ZNF704: variants seen among roughly 807,000 people sequenced by gnomAD.
The protein encoded by ZNF704 is zinc finger protein 704.
In ZNF704, 10 loss-of-function variants were observed where a neutral mutation model predicts 44.7. The observed-to-expected ratio is 0.22, with a 90% CI of 0.14 to 0.38. The LOEUF (loss-of-function observed/expected upper bound fraction) is 0.38. ZNF704 is among the 10% of genes least tolerant of loss of function. ZNF704 has a pLI of 1.00. For synonymous variants in ZNF704, 211 were observed against 207.6 expected, an observed-to-expected ratio of 1.02 and a Z score of -0.14; for missense variants, 390 against 545.5, an observed-to-expected ratio of 0.71 and a Z score of 2.84.
intron 3 of ZNF704, among the ~76,000 whole-genome samples, chr8:80,688,958 CA>C (rs57878370): frequency 0.083 from 5,917 of 71,400 alleles, 55 homozygotes; most frequent in Middle Eastern, 0.13. Flanking sequence ...GACTCTGTCT[CA>C]AAAAAAAAAA....
At chr8:80,742,505 A>C (rs1377211895) in intron 2 of ZNF704, among the ~76,000 whole-genome samples, 2 of 152,238 alleles carry the variant, frequency 1.3e-5, no homozygotes. Context: ...TCAAGCAGAT[A>C]GTCAAGGCCT....
the ZNF704 span, among the ~76,000 whole-genome samples, chr8:80,880,355 G>A: frequency 6.6e-6 from 1 of 152,130 alleles, no homozygotes; most frequent in Non-Finnish European, 1.5e-5. Flanking sequence ...AATGATTACT[G>A]TATTGAGCAG....
At chr8:80,720,855 A>G (rs1819154496) in intron 2 of ZNF704, among the ~76,000 whole-genome samples, 2 of 152,228 alleles carry the variant, frequency 1.3e-5, no homozygotes, top group South Asian at 4.1e-4. Context: ...TCATGCAGCC[A>G]GTCACCCAGG....
At chr8:80,809,889 A>AT (rs1227023131) in intron 2 of ZNF704, among the ~76,000 whole-genome samples, 1 of 151,688 alleles carries the variant, frequency 6.6e-6, no homozygotes, top group Admixed American at 6.6e-5. Context: ...CTGAATTCTT[A>AT]TTTTTTTTAT....
chr8:80,779,333 C>G (rs1807471870), intron 2 of ZNF704, among the ~76,000 whole-genome samples: 3 of 152,180 alleles, frequency 2.0e-5, no homozygotes, highest in Non-Finnish European at 2.9e-5. Flanking sequence ...CCCCTGCCTC[C>G]CAGGTTTAAG....
chr8:80,837,413 C>T (rs1012222932), intron 1 of ZNF704, among the ~76,000 whole-genome samples: 2 of 151,982 alleles, frequency 1.3e-5, no homozygotes, highest in Admixed American at 6.6e-5. Flanking sequence ...GCAAATACCA[C>T]GAGGTTAATA....
chr8:80,856,351 G>GA (rs1176435129), intron 1 of ZNF704, among the ~76,000 whole-genome samples: 1 of 151,874 alleles, frequency 6.6e-6, no homozygotes, highest in East Asian at 1.9e-4. Flanking sequence ...TTGTTTAAAG[G>GA]AAAATGCTAA....
intron 2 of ZNF704, among the ~76,000 whole-genome samples, chr8:80,729,777 T>C (rs777207536): frequency 3.3e-5 from 5 of 152,188 alleles, no homozygotes; most frequent in African/African-American, 4.8e-5. Flanking sequence ...CTTTGGGAGA[T>C]TCCAGTTGGA....
chr8:80,657,796 G>A (rs955328204), intron 7 of ZNF704, among the ~76,000 whole-genome samples: 6 of 150,862 alleles, frequency 4.0e-5, no homozygotes, highest in African/African-American at 7.3e-5. Flanking sequence ...TTTATATATC[G>A]TATATATGGT....
chr8:80,670,926 A>C (rs946251122), intron 4 of ZNF704, among the ~76,000 whole-genome samples: 3 of 152,184 alleles, frequency 2.0e-5, no homozygotes, highest in African/African-American at 7.2e-5. Context: ...GTGCTGTCTT[A>C]AGTGTTTATC....
At chr8:80,650,172 T>C (rs899878320) in intron 7 of ZNF704, among the ~76,000 whole-genome samples, 1 of 152,070 alleles carries the variant, frequency 6.6e-6, no homozygotes, top group Middle Eastern at 3.4e-3. Flanking sequence ...TATATCACCA[T>C]CATCAAAGAC....
At chr8:80,800,889 C>T (rs935330902) in intron 2 of ZNF704, among the ~76,000 whole-genome samples, 9 of 151,984 alleles carry the variant, frequency 5.9e-5, no homozygotes, top group African/African-American at 2.2e-4. Flanking sequence ...GAGCCAAGAC[C>T]CATCAGTATG....
chr8:80,772,417 A>G (rs904319672), intron 2 of ZNF704, among the ~76,000 whole-genome samples: 6 of 152,164 alleles, frequency 3.9e-5, no homozygotes, highest in African/African-American at 1.4e-4. Flanking sequence ...GCAGGCTTAC[A>G]GGAAGCATTG....
At chr8:80,858,255 A>C (rs1364224211) in intron 1 of ZNF704, among the ~76,000 whole-genome samples, 3 of 151,938 alleles carry the variant, frequency 2.0e-5, no homozygotes, top group African/African-American at 4.8e-5. Flanking sequence ...TTGTCTTTTT[A>C]TTTCCTTCCT....
At chr8:80,882,302 C>T in the ZNF704 span, among the ~76,000 whole-genome samples, 4 of 152,228 alleles carry the variant, frequency 2.6e-5, no homozygotes, top group African/African-American at 4.8e-5. Context: ...CTATCATTCT[C>T]TCCCTTGCCA....
chr8:80,824,473 G>A (rs144770454), intron 1 of ZNF704, among the ~76,000 whole-genome samples: 4,786 of 152,252 alleles, frequency 0.031, 111 homozygotes, highest in South Asian at 0.075. Flanking sequence ...AAAATGACGG[G>A]GAGAATGGAA....
At chr8:80,670,678 T>C in intron 4 of ZNF704, 75 bp from the exon 5 acceptor site, 4 of 1,087,318 alleles carry the variant, frequency 3.7e-6, no homozygotes, top group Non-Finnish European at 5.6e-6. Flanking sequence ...TCCCAACATA[T>C]TTTTTTCCTT....
At chr8:80,822,858 T>C (rs1407951593) in intron 1 of ZNF704, among the ~76,000 whole-genome samples, 2 of 152,234 alleles carry the variant, frequency 1.3e-5, no homozygotes, top group Non-Finnish European at 2.9e-5. Context: ...TTGAGAAGTG[T>C]CTGTTCATAT....
chr8:80,677,568 C>A (rs762493025), intron 4 of ZNF704, among the ~76,000 whole-genome samples: 38 of 152,138 alleles, frequency 2.5e-4, no homozygotes, highest in Non-Finnish European at 5.1e-4. Context: ...TTCCTTGAAC[C>A]CCTGCTAAAG....
Sources: gnomAD v4.1 joint callset for allele counts (sites outside exome capture counted in the v4.1 genomes callset) on GRCh38, gnomAD v4.1.1 for gene constraint, MANE v1.5 for transcripts, NCBI Gene and HGNC (gene_info 2026-07-23, HGNC 2026-07-21) for gene names.